Variants in MBNL2 observed in about 807,000 individuals in gnomAD.
The protein encoded by MBNL2 is muscleblind like splicing regulator 2.
Under a neutral mutation model 41.9 loss-of-function variants are expected in MBNL2, and 17 were observed. That is an observed-to-expected ratio of 0.41 (90% CI 0.28 to 0.61). The LOEUF (loss-of-function observed/expected upper bound fraction) is 0.61, where lower values mean the gene tolerates loss of function less well. MBNL2 is among the 20% of genes least tolerant of loss of function. The pLI, the probability that MBNL2 is intolerant of heterozygous loss-of-function variation, is 0.35. For synonymous variants in MBNL2, 195 were observed against 182.9 expected (o/e 1.07, Z -0.53); for missense variants, 336 against 505.6 (o/e 0.66, Z 3.22).
At chr13:97,243,104 A>G (rs1477724257) in intron 1 of MBNL2, among the ~76,000 whole-genome samples, 1 of 152,210 alleles carries the variant, frequency 6.6e-6, no homozygotes, top group African/African-American at 2.4e-5. Flanking sequence ...CCAAGTGACT[A>G]TCTGCAGCGG....
At chr13:97,321,677 A>G (rs2059515457) in intron 2 of MBNL2, among the ~76,000 whole-genome samples, 1 of 152,218 alleles carries the variant, frequency 6.6e-6, no homozygotes, top group Non-Finnish European at 1.5e-5. Context: ...AATTGGGGTA[A>G]CAGAAAACAA....
At chr13:97,159,076 G>C in the MBNL2 span, among the ~76,000 whole-genome samples, 3 of 151,840 alleles carry the variant, frequency 2.0e-5, no homozygotes, top group Non-Finnish European at 4.4e-5. Context: ...GAATCTGGGT[G>C]CTCCTGTATT....
intron 2 of MBNL2, among the ~76,000 whole-genome samples, chr13:97,293,367 GTGGTAGTATT>G (rs2056491105): frequency 6.6e-6 from 1 of 152,076 alleles, no homozygotes; most frequent in Non-Finnish European, 1.5e-5. Context: ...GTAATAGTTT[GTGGTAGTATT>G]TTATTATTAA....
At chr13:97,287,955 G>A (rs2054986139) in intron 2 of MBNL2, among the ~76,000 whole-genome samples, 2 of 90,226 alleles carry the variant, frequency 2.2e-5, no homozygotes, top group Admixed American at 2.3e-4. Flanking sequence ...TTTTTTTTTA[G>A]TAGAGATGGG....
At chr13:97,156,241 G>A in the MBNL2 span, among the ~76,000 whole-genome samples, 6 of 126,312 alleles carry the variant, frequency 4.8e-5, no homozygotes, top group Admixed American at 5.0e-4. Flanking sequence ...TTTTGATGGG[G>A]TTGTTTGTTT....
chr13:97,241,728 T>G (rs1300237854), intron 1 of MBNL2, among the ~76,000 whole-genome samples: 1 of 152,130 alleles, frequency 6.6e-6, no homozygotes, highest in Non-Finnish European at 1.5e-5. Flanking sequence ...CCAAAAGCCA[T>G]TGGAGAACCC....
the MBNL2 span, among the ~76,000 whole-genome samples, chr13:97,210,425 T>C: frequency 6.6e-6 from 1 of 152,238 alleles, no homozygotes; most frequent in South Asian, 2.1e-4. Context: ...TAGCTTGTGG[T>C]TTTGAAAACG....
chr13:97,268,073 TTTCC>T lies in MBNL2; in HGVS notation c.-604-7532_-604-7529del, dbSNP rs57849294. On this transcript the variant is annotated intron_variant, in intron 1 of 8. Coordinates refer to ENST00000679496, the MANE Select transcript of MBNL2 (RefSeq NM_001382683.1). The surrounding 1 kb of genome is among the most constrained non-coding windows in gnomAD (Gnocchi z 4.6). ...CCTAAGAGTGTGCTTTTCTTTTTTCTTTCCTTCCTTCCTTCCTTCCTTCCTTCCT... is the reference window on the plus strand; with the variant it reads ...CCTAAGAGTGTGCTTTTCTTTTTTCTTTCCTTCCTTCCTTCCTTCCTTCCT... Among the ~76,000 whole-genome samples, 14,165 of 147,878 alleles carry T rather than the reference TTTCC, an allele frequency of 0.096. 1,875 individuals are homozygous for T. Among genetic ancestry groups the T allele is most frequent in the African/African-American group, 0.3 (11,975 of 39,544 alleles).
intron 1 of MBNL2, among the ~76,000 whole-genome samples, chr13:97,271,138 T>A (rs75549570): frequency 0.012 from 1,866 of 150,690 alleles, 19 homozygotes; most frequent in Middle Eastern, 0.02. Flanking sequence ...TTTTTTTTTT[T>A]GAGACAGAGG....
At chr13:97,358,143 T>A (rs1430145013) in intron 7 of MBNL2, among the ~76,000 whole-genome samples, 1 of 152,210 alleles carries the variant, frequency 6.6e-6, no homozygotes, top group African/African-American at 2.4e-5. Context: ...AGTTCACAAG[T>A]ATATAGAGCT....
rs1283581584 is a variant in MBNL2 at position 97,366,619 on chromosome 13, A to G, written c.1048+1448A>G. ...CTAAATGAGTGCTGATATTTAAAAA[A>G]AAAATTCTCGGTGAGAATTTTTTTT... is the stretch of plus-strand genomic sequence containing the variant. On this transcript the variant is annotated intron_variant, in intron 8 of 8. Transcript: ENST00000679496. This position sits in a 1 kb window ranked among gnomAD's most constrained non-coding sequence, Gnocchi z 4.7. The G allele has an allele frequency of 1.8e-5, 18 of 1,021,744 alleles. No homozygotes were observed. Among genetic ancestry groups the G allele is most frequent in the Non-Finnish European group, 2.6e-5 (17 of 657,024 alleles). The allele number at this position is 1,021,744 out of a possible 1,614,324, so 63.3% of individuals were successfully genotyped here.
chr13:97,357,602 C>G lies in MBNL2; in HGVS notation c.979C>G (p.Gln327Glu). 6.2e-7 allele frequency: 1 copy of G among 1,614,026 alleles called. No homozygotes were observed. Among genetic ancestry groups the G allele is most frequent in the Non-Finnish European group, 8.5e-7 (1 of 1,179,946 alleles). ...LHYQQALTSA[Q>E]LQQHAAFIPT... ...CTACCAGCAGGCTCTCACCAGCGCA[C>G]AGTTGCAGCAACACGCCGCGTTCAT... The change falls in exon 7 of 9, where the codon CAG becomes GAG. Residue 327 changes from glutamine to glutamate, a missense_variant. Transcript: ENST00000679496.
the MBNL2 span, among the ~76,000 whole-genome samples, chr13:97,161,741 G>A: frequency 1.3e-5 from 2 of 152,186 alleles, no homozygotes; most frequent in Admixed American, 6.5e-5. Context: ...GGGAACTTGA[G>A]AGCAGCTGAC....
upstream of MBNL2, among the ~76,000 whole-genome samples, chr13:97,221,722 C>T (rs3809361): frequency 2.0e-5 from 3 of 152,060 alleles, no homozygotes; most frequent in Non-Finnish European, 4.4e-5. Context: ...AAAACTTAGA[C>T]GAAAGATAAA....
At chr13:97,169,434 C>T in the MBNL2 span, among the ~76,000 whole-genome samples, 5 of 152,202 alleles carry the variant, frequency 3.3e-5, no homozygotes, top group Non-Finnish European at 7.3e-5. Flanking sequence ...TAATTTCTAT[C>T]TATCAGTTTT....
At chr13:97,273,783 G>A (rs1012447303) in intron 1 of MBNL2, among the ~76,000 whole-genome samples, 3 of 152,168 alleles carry the variant, frequency 2.0e-5, no homozygotes, top group Admixed American at 6.5e-5. Flanking sequence ...ATTGCAGGCC[G>A]GACGCGGTGG....
upstream of MBNL2, among the ~76,000 whole-genome samples, chr13:97,218,772 A>G (rs553434776): frequency 6.6e-6 from 1 of 152,132 alleles, no homozygotes; most frequent in African/African-American, 2.4e-5. Flanking sequence ...AAGAAGAGGA[A>G]GAAGAGAAAA....
chr13:97,307,527 G>C (rs781720272), intron 2 of MBNL2, among the ~76,000 whole-genome samples: 8 of 152,102 alleles, frequency 5.3e-5, no homozygotes, highest in Non-Finnish European at 7.3e-5. Flanking sequence ...TTTCAGAAAA[G>C]TCAAGTAATC....
chr13:97,225,051 T>A (rs2041393373), intron 1 of MBNL2, among the ~76,000 whole-genome samples: 1 of 152,246 alleles, frequency 6.6e-6, no homozygotes. Flanking sequence ...TTGTGAAATA[T>A]ACTGGTTAGG....
Sources: gnomAD v4.1 joint callset for allele counts (sites outside exome capture counted in the v4.1 genomes callset) on GRCh38, gnomAD v4.1.1 for gene constraint, Gnocchi (gnomAD v3.1) non-coding constraint, MANE v1.5 for transcripts, NCBI Gene and HGNC (gene_info 2026-07-23, HGNC 2026-07-21) for gene names.